Variants in USP34 observed in about 807,000 individuals in gnomAD.
USP34 encodes ubiquitin carboxyl-terminal hydrolase 34.
A neutral mutation model predicts 460.3 loss-of-function variants in USP34; 70 were observed. The observed-to-expected ratio is 0.15, with a 90% CI of 0.13 to 0.19. The LOEUF (loss-of-function observed/expected upper bound fraction) is 0.19. USP34 is among the 10% of genes least tolerant of loss of function. The pLI, the probability that USP34 is intolerant of heterozygous loss-of-function variation, is 1.00. For missense variants in USP34, 3,985 were observed against 4,236.2 expected (o/e 0.94, Z 1.65); for synonymous variants, 1,647 against 1,405.3 (o/e 1.17, Z -3.85).
At chr2:61,445,711 A>T (rs1446623378) in intron 1 of USP34, among the ~76,000 whole-genome samples, 4 of 152,050 alleles carry the variant, frequency 2.6e-5, no homozygotes, top group Admixed American at 6.6e-5. Context: ...TAATCCCAGC[A>T]CTTTGGGAGG....
intron 34 of USP34, among the ~76,000 whole-genome samples, chr2:61,287,090 T>C (rs569344535): frequency 3.3e-5 from 5 of 152,340 alleles, no homozygotes; most frequent in Admixed American, 6.5e-5. Context: ...TATATTGTAC[T>C]CTGCATATAT....
intron 3 of USP34, among the ~76,000 whole-genome samples, chr2:61,400,989 A>C (rs1158762518): frequency 6.6e-6 from 1 of 151,798 alleles, no homozygotes; most frequent in Non-Finnish European, 1.5e-5. Context: ...GTCTCTACTA[A>C]AAATACAAAA....
chr2:61,190,215 C>G (rs984555013), intron 78 of USP34, 56 bp downstream of exon 78: 40 of 1,533,998 alleles, frequency 2.6e-5, no homozygotes, highest in African/African-American at 4.2e-5. Context: ...GAAGGCCACA[C>G]AGTTAACTGA....
chr2:61,197,217 G>A (rs1686835237), intron 75 of USP34, among the ~76,000 whole-genome samples: 1 of 152,204 alleles, frequency 6.6e-6, no homozygotes, highest in Non-Finnish European at 1.5e-5. Context: ...GTTGCAGTGA[G>A]CCGAAACTGT....
intron 18 of USP34, among the ~76,000 whole-genome samples, chr2:61,339,094 T>A (rs1691511965): frequency 6.6e-6 from 1 of 152,162 alleles, no homozygotes; most frequent in Non-Finnish European, 1.5e-5. Flanking sequence ...AAAGATAGTA[T>A]TGTTATTTTT....
rs765437080 is a variant in USP34, at chr2:61,256,422, A to C, written c.6183T>G (p.Thr2061=). Reference sequence around the variant, plus strand: ...GTACTTTCTTCCCACAATGAGAACAAGTATACATGTTATCACCTTCCAAAG... The same window carrying C: ...GTACTTTCTTCCCACAATGAGAACACGTATACATGTTATCACCTTCCAAAG... ...KDTLEGDNMY[T]CSHCGKKVRA... is the part of the protein sequence containing the mutation. The change falls in exon 48 of 80, where the codon ACT becomes ACG. Residue 2061 remains threonine, a synonymous_variant. Transcript: ENST00000398571. The C allele has an allele frequency of 2.5e-6, 4 of 1,612,304 alleles. No homozygotes were observed. The South Asian group carries it at 4.4e-5, about 18-fold the overall frequency.
chr2:61,305,752 C>T (rs1690382890), intron 27 of USP34, among the ~76,000 whole-genome samples: 1 of 152,050 alleles, frequency 6.6e-6, no homozygotes, highest in Non-Finnish European at 1.5e-5. Flanking sequence ...CTGAAAATCA[C>T]TGTTAAAGAA....
intron 8 of USP34, among the ~76,000 whole-genome samples, chr2:61,377,827 A>G (rs565164017): frequency 1.3e-5 from 2 of 152,332 alleles, no homozygotes; most frequent in African/African-American, 4.8e-5. Context: ...TCTCCAGTAT[A>G]AACAGTATGC....
intron 3 of USP34, among the ~76,000 whole-genome samples, chr2:61,399,827 A>C (rs34104056): frequency 0.52 from 75,340 of 144,534 alleles, 19,910 homozygotes; most frequent in South Asian, 0.72. Flanking sequence ...GAGCCGAGAT[A>C]ACACCACTGC....
chr2:61,232,396 T>A, intron 58 of USP34, 56 bp downstream of exon 58: 1 of 1,387,882 alleles, frequency 7.2e-7, no homozygotes, highest in Non-Finnish European at 1.0e-6. Flanking sequence ...TGAGAATAAT[T>A]AAATTGAAAG....
intron 5 of USP34, among the ~76,000 whole-genome samples, chr2:61,390,262 G>A (rs1295045791): frequency 6.6e-6 from 1 of 152,188 alleles, no homozygotes; most frequent in Non-Finnish European, 1.5e-5. Flanking sequence ...AAGGTGTTAT[G>A]TATGAAATGA....
In USP34 at chr2:61,400,946, T is replaced by C. The variant is rs116911435; in HGVS notation, c.552+4762A>G. The stretch of plus-strand genomic sequence containing the variant: ...ACAGGCAGGTCACAAGATCAAGTGA[T>C]TGAGACCATCCTGGCCAACATGGTG... On this transcript the variant is annotated intron_variant, in intron 3 of 79. Coordinates refer to ENST00000398571, the MANE Select transcript of USP34 (RefSeq NM_014709.4). Among the ~76,000 whole-genome samples, 64 of 152,080 alleles carry C rather than the reference T, an allele frequency of 4.2e-4. 2 individuals carry two copies. In the East Asian group the frequency reaches 0.011, roughly 25 times the overall value.
At chr2:61,336,918 A>C (rs935276570) in intron 18 of USP34, among the ~76,000 whole-genome samples, 1 of 151,820 alleles carries the variant, frequency 6.6e-6, no homozygotes, top group Non-Finnish European at 1.5e-5. Context: ...TTTTCTTTTT[A>C]ACGGTTAGGC....
intron 29 of USP34, among the ~76,000 whole-genome samples, chr2:61,299,532 C>T (rs148684623): frequency 1.3e-5 from 2 of 152,112 alleles, no homozygotes; most frequent in African/African-American, 2.4e-5. Flanking sequence ...GTGGGAGGAT[C>T]GCTTGAAGCC....
At chr2:61,248,139 C>G (rs757725262) in intron 49 of USP34, among the ~76,000 whole-genome samples, 15 of 147,118 alleles carry the variant, frequency 1.0e-4, no homozygotes, top group Middle Eastern at 3.5e-3. Flanking sequence ...AAGATCATGC[C>G]ACTGCATTCC....
At chr2:61,390,987 C>A (rs72813588) in intron 5 of USP34, among the ~76,000 whole-genome samples, 19,505 of 151,706 alleles carry the variant, frequency 0.13, 1,491 homozygotes, top group South Asian at 0.32. Flanking sequence ...CCCAGCTACT[C>A]GGGAAGCTAA....
chr2:61,466,822 G>C (rs956263878), intron 1 of USP34, among the ~76,000 whole-genome samples: 1 of 150,680 alleles, frequency 6.6e-6, no homozygotes, highest in Non-Finnish European at 1.5e-5. Context: ...TGAGGCAGAA[G>C]AATCACTTGA....
chr2:61,388,456 T>A (rs72813584), intron 5 of USP34, among the ~76,000 whole-genome samples: 17,311 of 129,554 alleles, frequency 0.13, 1,393 homozygotes, highest in South Asian at 0.32. Context: ...CAGGGGAGTT[T>A]AAAAAAAAAA....
chr2:61,193,961 A>T, intron 75 of USP34: 1 of 285,252 alleles, frequency 3.5e-6, no homozygotes, highest in Non-Finnish European at 5.3e-6. Flanking sequence ...CAAACACTGA[A>T]ATGGGAATCT....
Sources: allele counts gnomAD v4.1 joint callset (sites outside exome capture counted in the v4.1 genomes callset), GRCh38; gene constraint gnomAD v4.1.1; transcripts MANE v1.5; gene names NCBI Gene and HGNC (gene_info 2026-07-23, HGNC 2026-07-21).